Variants in PAK5 observed in about 807,000 individuals in gnomAD.
PAK5 encodes the protein p21 (RAC1) activated kinase 5, also known as serine/threonine-protein kinase PAK 5.
Under a neutral mutation model 65.9 loss-of-function variants are expected in PAK5, and 16 were observed. The observed-to-expected ratio is 0.24, with a 90% CI of 0.16 to 0.37. PAK5 has a LOEUF of 0.37. Ranked by LOEUF, PAK5 falls within the 10% of genes least tolerant of loss-of-function variation. The probability of loss-of-function intolerance (pLI) is 1.00; values close to 1 mark genes in which losing one functional copy is unlikely to be tolerated. For synonymous variants in PAK5, 371 were observed against 354.9 expected, an observed-to-expected ratio of 1.05 and a Z score of -0.51; for missense variants, 785 against 903.9, an observed-to-expected ratio of 0.87 and a Z score of 1.69.
chr20:9,574,781 G>A (rs891043180), intron 4 of PAK5, among the ~76,000 whole-genome samples: 12 of 152,148 alleles, frequency 7.9e-5, no homozygotes, highest in Admixed American at 2.0e-4. Flanking sequence ...CCTTAATGAA[G>A]ACCCTGTAGG....
chr20:9,759,724 C>G (rs11908202), intron 1 of PAK5, among the ~76,000 whole-genome samples: 4 of 152,048 alleles, frequency 2.6e-5, no homozygotes, highest in Non-Finnish European at 5.9e-5. Context: ...AAACCCACAA[C>G]GTTTACCCAA....
intron 3 of PAK5, among the ~76,000 whole-genome samples, chr20:9,636,451 G>A (rs148482044): frequency 6.6e-6 from 1 of 152,232 alleles, no homozygotes; most frequent in African/African-American, 2.4e-5. Context: ...GTACTCAGCA[G>A]CAGTCGATAA....
At chr20:9,669,921 C>A (rs1391976480) in intron 2 of PAK5, among the ~76,000 whole-genome samples, 1 of 148,416 alleles carries the variant, frequency 6.7e-6, no homozygotes, top group African/African-American at 2.6e-5. Flanking sequence ...ATCCCTTCTG[C>A]CTCCCCCCCA....
At chr20:9,611,659 G>T (rs761419185) in intron 3 of PAK5, among the ~76,000 whole-genome samples, 1 of 152,182 alleles carries the variant, frequency 6.6e-6, no homozygotes, top group Non-Finnish European at 1.5e-5. Flanking sequence ...CTGTCTGTTT[G>T]TTTTTATTGT....
At chr20:9,789,765 C>T (rs972645089) in intron 1 of PAK5, among the ~76,000 whole-genome samples, 2 of 152,110 alleles carry the variant, frequency 1.3e-5, no homozygotes, top group East Asian at 1.9e-4. Flanking sequence ...CTAGGAGAAG[C>T]TGAAATAAAG....
chr20:9,652,882 C>G (rs751403412), intron 2 of PAK5, among the ~76,000 whole-genome samples: 1 of 152,188 alleles, frequency 6.6e-6, no homozygotes, highest in Non-Finnish European at 1.5e-5. Context: ...TCCCTCTGAT[C>G]ATGATGTTTG....
At chr20:9,824,734 C>T (rs1229640016) in intron 1 of PAK5, among the ~76,000 whole-genome samples, 1 of 152,152 alleles carries the variant, frequency 6.6e-6, no homozygotes, top group African/African-American at 2.4e-5. Flanking sequence ...CTTTTGATTT[C>T]CCTTATCCCA....
At chr20:9,663,310 C>T (rs1359104589) in intron 2 of PAK5, among the ~76,000 whole-genome samples, 1 of 152,050 alleles carries the variant, frequency 6.6e-6, no homozygotes, top group African/African-American at 2.4e-5. Flanking sequence ...AAAATAACAT[C>T]GAGGAAGGAA....
At chr20:9,710,358 C>G (rs1051743573) in intron 2 of PAK5, among the ~76,000 whole-genome samples, 1 of 152,196 alleles carries the variant, frequency 6.6e-6, no homozygotes. Context: ...GTTTCAGAAG[C>G]AGGCCACAGA....
At chr20:9,751,656 T>C (rs981374201) in intron 1 of PAK5, among the ~76,000 whole-genome samples, 1 of 152,196 alleles carries the variant, frequency 6.6e-6, no homozygotes, top group Non-Finnish European at 1.5e-5. Context: ...ACATTTCTTT[T>C]GTAAGAGTCA....
chr20:9,579,392 C>T (rs1216041253), intron 4 of PAK5, among the ~76,000 whole-genome samples: 1 of 152,178 alleles, frequency 6.6e-6, no homozygotes, highest in Admixed American at 6.5e-5. Context: ...GACCCATAGA[C>T]CTTTGCCTGT....
At chr20:9,565,716 T>TGCATG (rs1254484137) in intron 5 of PAK5, among the ~76,000 whole-genome samples, 177 bp downstream of exon 5, 5 of 152,204 alleles carry the variant, frequency 3.3e-5, no homozygotes, top group African/African-American at 1.2e-4. Flanking sequence ...TTTATAGATG[T>TGCATG]AACAGCCATA....
chr20:9,555,786 T>C (rs2045497168), intron 7 of PAK5, among the ~76,000 whole-genome samples: 1 of 152,170 alleles, frequency 6.6e-6, no homozygotes, highest in Non-Finnish European at 1.5e-5. Context: ...AGCACAGGAT[T>C]TGAAAGGGCC....
intron 3 of PAK5, among the ~76,000 whole-genome samples, chr20:9,640,763 A>G (rs942399031): frequency 6.7e-6 from 1 of 150,360 alleles, no homozygotes; most frequent in South Asian, 2.1e-4. Flanking sequence ...CTTCACGGTG[A>G]GTGTTACAGC....
intron 3 of PAK5, among the ~76,000 whole-genome samples, chr20:9,605,833 G>A (rs759834827): frequency 1.3e-5 from 2 of 152,176 alleles, no homozygotes; most frequent in Non-Finnish European, 2.9e-5. Flanking sequence ...GGGAGGCTGA[G>A]GTGGGAGAAT....
At chr20:9,644,490 T>A (rs1399972858) in intron 2 of PAK5, among the ~76,000 whole-genome samples, 151 bp from the exon 3 acceptor site, 1 of 152,196 alleles carries the variant, frequency 6.6e-6, no homozygotes, top group Non-Finnish European at 1.5e-5. Flanking sequence ...TTTCAGGGTG[T>A]GTAAATTAGA....
chr20:9,768,790 C>CAAAAAAA (rs35432047), intron 1 of PAK5, among the ~76,000 whole-genome samples: 1 of 34,874 alleles, frequency 2.9e-5, no homozygotes, highest in Admixed American at 4.5e-4. Flanking sequence ...GACTCCATCG[C>CAAAAAAA]AAAAAAAAAA....
At chr20:9,735,951 G>GATCT in intron 1 of PAK5, among the ~76,000 whole-genome samples, 1 of 150,694 alleles carries the variant, frequency 6.6e-6, no homozygotes, top group East Asian at 2.0e-4. Flanking sequence ...TCCTAGGCTG[G>GATCT]AGTGCAATGG....
rs142538632 is a variant in PAK5, at chr20:9,556,697, T to C, written c.1743+911A>G. On this transcript the variant is annotated intron_variant, in intron 7 of 9. Transcript: ENST00000353224. ...TCCATGCTCTGTGCCCTGGTGTGGC[T>C]GATGAGTTTCAGCAGAATCCCTTGC... Among the ~76,000 whole-genome samples, 68 of 152,334 alleles carry C rather than the reference T, an allele frequency of 4.5e-4. No homozygotes were observed. In the Middle Eastern group the frequency reaches 0.01, roughly 23 times the overall value.
Sources: gnomAD v4.1 joint callset for allele counts (sites outside exome capture counted in the v4.1 genomes callset) on GRCh38, gnomAD v4.1.1 for gene constraint, MANE v1.5 for transcripts, NCBI Gene and HGNC (gene_info 2026-07-23, HGNC 2026-07-21) for gene names.